The following CNTNAP2 variants were observed in gnomAD, a reference collection of about 807,000 sequenced individuals.
CNTNAP2 encodes the protein contactin associated protein 2.
In CNTNAP2, 98 loss-of-function variants were observed where a neutral mutation model predicts 155.2. The ratio of observed to expected loss-of-function variants is 0.63; its 90% CI spans 0.54 to 0.75. The LOEUF (loss-of-function observed/expected upper bound fraction) is 0.75. CNTNAP2 is among the 30% of genes least tolerant of loss of function. The probability of loss-of-function intolerance (pLI) is 0.00; values close to 1 mark genes in which losing one functional copy is unlikely to be tolerated. For synonymous variants in CNTNAP2, 651 were observed against 631.2 expected, an observed-to-expected ratio of 1.03 and a Z score of -0.47; for missense variants, 1,727 against 1,688.1, an observed-to-expected ratio of 1.02 and a Z score of -0.40.
chr7:146,184,133 G>T (rs1333386981), intron 1 of CNTNAP2, among the ~76,000 whole-genome samples: 1 of 152,174 alleles, frequency 6.6e-6, no homozygotes, highest in Admixed American at 6.5e-5. Flanking sequence ...CAACTACTCA[G>T]TATGCTCAAA....
At chr7:147,385,888 C>T (rs1459808928) in intron 9 of CNTNAP2, among the ~76,000 whole-genome samples, 1 of 152,212 alleles carries the variant, frequency 6.6e-6, no homozygotes, top group African/African-American at 2.4e-5. Flanking sequence ...AGCAGAGGCT[C>T]TTCATGAGGG....
intron 3 of CNTNAP2, among the ~76,000 whole-genome samples, chr7:146,932,875 C>T (rs1004756431): frequency 4.6e-5 from 7 of 151,990 alleles, no homozygotes; most frequent in Admixed American, 1.3e-4. Flanking sequence ...GAATCCAACT[C>T]ACAAGGGATG....
At chr7:147,834,240 T>G (rs1798599334) in intron 13 of CNTNAP2, among the ~76,000 whole-genome samples, 1 of 152,202 alleles carries the variant, frequency 6.6e-6, no homozygotes, top group Admixed American at 6.5e-5. Context: ...TTATATTGTT[T>G]GGGAACCCAG....
intron 1 of CNTNAP2, among the ~76,000 whole-genome samples, chr7:146,600,502 A>T (rs925502720): frequency 6.6e-6 from 1 of 152,124 alleles, no homozygotes; most frequent in East Asian, 1.9e-4. Flanking sequence ...TTTTGCACAC[A>T]TAATCATATT....
At chr7:146,965,284 C>T (rs1414434607) in intron 3 of CNTNAP2, among the ~76,000 whole-genome samples, 1 of 152,082 alleles carries the variant, frequency 6.6e-6, no homozygotes, top group East Asian at 1.9e-4. Flanking sequence ...GTTCTTTCCA[C>T]CCATCTCACA....
At chr7:146,120,292 C>G (rs1797542976) in intron 1 of CNTNAP2, among the ~76,000 whole-genome samples, 1 of 152,038 alleles carries the variant, frequency 6.6e-6, no homozygotes, top group Admixed American at 6.6e-5. Flanking sequence ...GAGCTTTAGG[C>G]AAGCAAAATT....
intron 1 of CNTNAP2, among the ~76,000 whole-genome samples, chr7:146,687,229 A>C (rs1402565686): frequency 6.6e-6 from 1 of 152,194 alleles, no homozygotes; most frequent in Admixed American, 6.5e-5. Flanking sequence ...ACTGTTGGTT[A>C]AAAGTCTAGG....
At chr7:147,786,017 C>G (rs2116564530) in intron 13 of CNTNAP2, among the ~76,000 whole-genome samples, 1 of 150,616 alleles carries the variant, frequency 6.6e-6, no homozygotes, top group East Asian at 2.0e-4. Flanking sequence ...AAAGGCCAGG[C>G]ACGGTGGCTC....
intron 13 of CNTNAP2, among the ~76,000 whole-genome samples, chr7:147,875,982 A>G (rs1024954497): frequency 4.6e-5 from 7 of 152,204 alleles, no homozygotes; most frequent in African/African-American, 1.7e-4. Flanking sequence ...AAATGTCAAC[A>G]CCATAAAAAT....
At chr7:146,784,742 T>C (rs1317788168) in intron 2 of CNTNAP2, among the ~76,000 whole-genome samples, 1 of 152,288 alleles carries the variant, frequency 6.6e-6, no homozygotes, top group African/African-American at 2.4e-5. Context: ...AGAAAGATCA[T>C]AATTCCTTGG....
Position 148,249,923 on chromosome 7 carries a change from T to G in CNTNAP2, c.3382-17110T>G, listed in dbSNP as rs139401681. ...GTCTCCAAGCTTCCTCCCTTGCCCT[T>G]GCAGGAGCGTCTCTGACATCACTAC... On this transcript the variant is annotated intron_variant, in intron 20 of 23. Transcript: ENST00000361727. Among the ~76,000 whole-genome samples the G allele has an allele frequency of 5.4e-3, 822 of 152,330 alleles. 12 individuals are homozygous for G. The highest frequency in any genetic ancestry group is 0.018 in the African/African-American group (764 of 41,582).
intron 3 of CNTNAP2, among the ~76,000 whole-genome samples, chr7:146,918,026 G>C (rs1796429003): frequency 6.6e-6 from 1 of 152,080 alleles, no homozygotes; most frequent in African/African-American, 2.4e-5. Context: ...GTGTTCATTT[G>C]CATGAAATAC....
intron 3 of CNTNAP2, among the ~76,000 whole-genome samples, chr7:146,944,568 A>G (rs749517398): frequency 3.9e-5 from 6 of 152,194 alleles, no homozygotes; most frequent in Non-Finnish European, 7.3e-5. Context: ...TAATGTAGAT[A>G]TACATATGCA....
chr7:146,414,566 G>A (rs1437148190), intron 1 of CNTNAP2, among the ~76,000 whole-genome samples: 1 of 152,114 alleles, frequency 6.6e-6, no homozygotes, highest in Non-Finnish European at 1.5e-5. Flanking sequence ...TTATCCCTGA[G>A]CTTCACTCAT....
At chr7:147,460,052 T>G (rs1486525901) in intron 10 of CNTNAP2, among the ~76,000 whole-genome samples, 1 of 152,032 alleles carries the variant, frequency 6.6e-6, no homozygotes, top group Non-Finnish European at 1.5e-5. Flanking sequence ...GATGACAGGT[T>G]GATGGGTGTA....
intron 1 of CNTNAP2, among the ~76,000 whole-genome samples, chr7:146,472,288 A>G (rs932587074): frequency 5.3e-5 from 8 of 152,198 alleles, no homozygotes; most frequent in Non-Finnish European, 7.3e-5. Flanking sequence ...TGCACTATTT[A>G]CAGTGAAGTT....
chr7:147,587,949 G>A (rs746144013), intron 12 of CNTNAP2, among the ~76,000 whole-genome samples: 11 of 152,214 alleles, frequency 7.2e-5, no homozygotes, highest in Non-Finnish European at 1.5e-4. Flanking sequence ...TGAGTCCATG[G>A]ACAAATAAAT....
intron 13 of CNTNAP2, among the ~76,000 whole-genome samples, chr7:147,878,129 C>T (rs554825285): frequency 3.6e-5 from 5 of 138,244 alleles, no homozygotes; most frequent in Admixed American, 3.0e-4. Context: ...GAAAGTTTAG[C>T]ATTGGAAGTT....
intron 18 of CNTNAP2, among the ~76,000 whole-genome samples, chr7:148,188,737 ATAT>A (rs1795159851): frequency 6.6e-6 from 1 of 152,234 alleles, no homozygotes; most frequent in Non-Finnish European, 1.5e-5. Context: ...AAATCAATTT[ATAT>A]TATTATAATG....
Sources: allele counts gnomAD v4.1 joint callset (sites outside exome capture counted in the v4.1 genomes callset), GRCh38; gene constraint gnomAD v4.1.1; transcripts MANE v1.5; gene names NCBI Gene and HGNC (gene_info 2026-07-23, HGNC 2026-07-21).